Variants in UNC5B observed in about 807,000 individuals in gnomAD.
UNC5B encodes the protein unc-5 netrin receptor B.
UNC5B carries 56 observed loss-of-function variants against 103.7 expected under a neutral mutation model. That is an observed-to-expected ratio of 0.54 (90% confidence interval 0.44 to 0.67). UNC5B has a LOEUF of 0.67. Ranked by LOEUF, UNC5B falls within the 30% of genes least tolerant of loss-of-function variation. The probability of loss-of-function intolerance (pLI) is 0.00; values close to 1 mark genes in which losing one functional copy is unlikely to be tolerated. For synonymous variants in UNC5B, 577 were observed against 542.0 expected (o/e 1.06, Z -0.90); for missense variants, 1,194 against 1,284.5 (o/e 0.93, Z 1.08).
intron 5 of UNC5B, among the ~76,000 whole-genome samples, 182 bp downstream of exon 5, chr10:71,287,051 G>A (rs1477339165): frequency 6.6e-6 from 1 of 152,226 alleles, no homozygotes. Context: ...TCCCAGCCAG[G>A]AACACTCCCC....
intron 6 of UNC5B, among the ~76,000 whole-genome samples, chr10:71,288,115 C>T (rs1845140939): frequency 6.6e-6 from 1 of 152,214 alleles, no homozygotes; most frequent in Admixed American, 6.5e-5. Context: ...TTGCTCCTGA[C>T]TGTTAAGACA....
At chr10:71,250,411 T>A (rs1844147044) in intron 1 of UNC5B, among the ~76,000 whole-genome samples, 1 of 152,252 alleles carries the variant, frequency 6.6e-6, no homozygotes, top group Non-Finnish European at 1.5e-5. Context: ...GTGTGGATGC[T>A]TCCTCAAGTC....
At chr10:71,279,759 C>T (rs1157203518) in intron 1 of UNC5B, 62 bp from the exon 2 acceptor site, 14 of 1,535,412 alleles carry the variant, frequency 9.1e-6, no homozygotes, top group Admixed American at 5.8e-5. Context: ...CCGGGGTGGG[C>T]GAGGGGTGCC....
At chr10:71,251,109 T>G (rs113672929) in intron 1 of UNC5B, among the ~76,000 whole-genome samples, 19 of 152,326 alleles carry the variant, frequency 1.2e-4, no homozygotes, top group African/African-American at 4.6e-4. Flanking sequence ...CCCTGTTTTA[T>G]TTCAGTCTTC....
At chr10:71,256,049 A>C (rs1035126167) in intron 1 of UNC5B, among the ~76,000 whole-genome samples, 2 of 152,132 alleles carry the variant, frequency 1.3e-5, no homozygotes, top group African/African-American at 4.8e-5. Context: ...GAACCCTGTG[A>C]GATTGGTATG....
chr10:71,255,769 TGGCTC>T (rs1342336274), intron 1 of UNC5B, among the ~76,000 whole-genome samples: 1 of 152,224 alleles, frequency 6.6e-6, no homozygotes, highest in Non-Finnish European at 1.5e-5. Context: ...TTCCAAACAG[TGGCTC>T]TGGACTTCTG....
At chr10:71,234,123 C>T (rs1843731180) in intron 1 of UNC5B, among the ~76,000 whole-genome samples, 1 of 152,102 alleles carries the variant, frequency 6.6e-6, no homozygotes, top group South Asian at 2.1e-4. Flanking sequence ...AGATATCTTC[C>T]TCATTTTATA....
At chr10:71,231,350 T>C (rs1167702723) in intron 1 of UNC5B, among the ~76,000 whole-genome samples, 3 of 152,218 alleles carry the variant, frequency 2.0e-5, no homozygotes, top group Non-Finnish European at 4.4e-5. Flanking sequence ...GGGAGTGCTC[T>C]CGCACTGAGC....
At chr10:71,264,822 A>C (rs78711907) in intron 1 of UNC5B, among the ~76,000 whole-genome samples, 2 of 152,090 alleles carry the variant, frequency 1.3e-5, no homozygotes, top group Non-Finnish European at 2.9e-5. Flanking sequence ...TTTGAGTACC[A>C]CTGGCACCAA....
At chr10:71,229,719 G>A (rs1324953007) in intron 1 of UNC5B, among the ~76,000 whole-genome samples, 1 of 152,158 alleles carries the variant, frequency 6.6e-6, no homozygotes, top group African/African-American at 2.4e-5. Context: ...CTCCTTCTAG[G>A]GAGTTGTTGT....
chr10:71,285,303 T>C, intron 3 of UNC5B, 23 bp from the exon 4 acceptor site: 2 of 1,594,212 alleles, frequency 1.3e-6, no homozygotes, highest in Non-Finnish European at 1.7e-6. Context: ...CTGACTGCCT[T>C]GGGACCCTCT....
At chr10:71,235,903 C>A (rs1391685792) in intron 1 of UNC5B, among the ~76,000 whole-genome samples, 1 of 152,258 alleles carries the variant, frequency 6.6e-6, no homozygotes, top group Non-Finnish European at 1.5e-5. Context: ...TCATCCCCAC[C>A]TCGCCCACTG....
intron 1 of UNC5B, among the ~76,000 whole-genome samples, chr10:71,247,084 G>C (rs1413870450): frequency 1.3e-5 from 2 of 152,238 alleles, no homozygotes; most frequent in African/African-American, 4.8e-5. Context: ...AAATGAGGAA[G>C]TGCATGACCC....
intron 16 of UNC5B, among the ~76,000 whole-genome samples, chr10:71,298,637 G>T (rs1845505381): frequency 6.6e-6 from 1 of 152,128 alleles, no homozygotes; most frequent in Admixed American, 6.6e-5. Context: ...ATATGCTTTA[G>T]ATAAGACATT....
At chr10:71,285,512 C>T in intron 4 of UNC5B, 83 bp downstream of exon 4, 1 of 1,247,422 alleles carries the variant, frequency 8.0e-7, no homozygotes, top group South Asian at 1.5e-5. Context: ...TTACCACCAG[C>T]CATGGTGCTA....
At chr10:71,215,878 G>A (rs905269785) in intron 1 of UNC5B, among the ~76,000 whole-genome samples, 6 of 151,908 alleles carry the variant, frequency 3.9e-5, no homozygotes, top group Non-Finnish European at 8.8e-5. Context: ...CACAATGATA[G>A]CCTGTCCTTG....
chr10:71,222,357 A>G (rs1360371459), intron 1 of UNC5B, among the ~76,000 whole-genome samples: 2 of 152,174 alleles, frequency 1.3e-5, no homozygotes, highest in Non-Finnish European at 2.9e-5. Context: ...TGAATCTTCC[A>G]GAGGTGGCTC....
intron 10 of UNC5B, among the ~76,000 whole-genome samples, chr10:71,292,196 A>G (rs1397439489): frequency 6.6e-6 from 1 of 152,198 alleles, no homozygotes; most frequent in African/African-American, 2.4e-5. Context: ...GCTTCCCAGC[A>G]TCATATACTA....
At position 71,299,296 on chromosome 10, in the gene UNC5B, C is replaced by A. The variant is rs752430376; in HGVS notation, c.*19C>A. On this transcript the variant is annotated 3_prime_UTR_variant, in exon 17 of 17. Transcript: ENST00000335350. Reference sequence around the variant, plus strand: ...CTGCTGAGCCTCCTGGGACAGCGGGCTGGCAGGGACTGGCAGGAGGCAGGT... The same window carrying A: ...CTGCTGAGCCTCCTGGGACAGCGGGATGGCAGGGACTGGCAGGAGGCAGGT... The A allele has an allele frequency of 4.3e-6, 7 of 1,611,750 alleles. No individual in the cohort carries two copies. Among genetic ancestry groups the A allele is most frequent in the Non-Finnish European group, 5.9e-6 (7 of 1,179,268 alleles).
Sources: gnomAD v4.1 joint callset for allele counts (sites outside exome capture counted in the v4.1 genomes callset) on GRCh38, gnomAD v4.1.1 for gene constraint, MANE v1.5 for transcripts, NCBI Gene and HGNC (gene_info 2026-07-23, HGNC 2026-07-21) for gene names.